IQSEC1: variants seen among roughly 807,000 people sequenced by gnomAD.
The protein encoded by IQSEC1 is IQ motif and SEC7 domain-containing protein 1.
A neutral mutation model predicts 91.0 loss-of-function variants in IQSEC1; 31 were observed. That is an observed-to-expected ratio of 0.34 (90% CI 0.26 to 0.46). The LOEUF (loss-of-function observed/expected upper bound fraction) is 0.46, where lower values mean the gene tolerates loss of function less well. IQSEC1 is among the 20% of genes least tolerant of loss of function. The probability of loss-of-function intolerance (pLI) is 1.00; values close to 1 mark genes in which losing one functional copy is unlikely to be tolerated. For synonymous variants in IQSEC1, 699 were observed against 662.6 expected (o/e 1.05, Z -0.84); for missense variants, 1,388 against 1,575.6 (o/e 0.88, Z 2.02).
chr3:12,996,320 G>A (rs1702226822), intron 1 of IQSEC1, among the ~76,000 whole-genome samples: 1 of 152,216 alleles, frequency 6.6e-6, no homozygotes, highest in Non-Finnish European at 1.5e-5. Flanking sequence ...AAGTGAGAAT[G>A]ACAAAGGTTT....
chr3:13,120,425 G>A (rs1400534104), intron 2 of IQSEC1, among the ~76,000 whole-genome samples: 4 of 152,166 alleles, frequency 2.6e-5, no homozygotes, highest in Non-Finnish European at 5.9e-5. Context: ...TGGAGGAAAG[G>A]TCCCATTCCT....
chr3:13,170,461 C>T (rs567080798), intron 1 of IQSEC1, among the ~76,000 whole-genome samples: 110 of 152,320 alleles, frequency 7.2e-4, no homozygotes, highest in Non-Finnish European at 1.2e-3. Context: ...AGAAGGCCAC[C>T]GTCCTCCAGA....
intron 1 of IQSEC1, among the ~76,000 whole-genome samples, chr3:13,174,754 C>G (rs60033245): frequency 0.15 from 23,031 of 152,068 alleles, 2,141 homozygotes; most frequent in Middle Eastern, 0.27. Flanking sequence ...TGGACAAGCT[C>G]ACAGCCCCCT....
chr3:13,162,233 G>A (rs1378164210), intron 2 of IQSEC1, among the ~76,000 whole-genome samples: 1 of 152,242 alleles, frequency 6.6e-6, no homozygotes, highest in Non-Finnish European at 1.5e-5. Flanking sequence ...TTTCAGGTAA[G>A]CAGCTGCCTT....
intron 1 of IQSEC1, among the ~76,000 whole-genome samples, chr3:13,039,523 T>C (rs1704172720): frequency 6.6e-6 from 1 of 152,234 alleles, no homozygotes; most frequent in Non-Finnish European, 1.5e-5. Flanking sequence ...TTGCAGAGCT[T>C]TCCTGGGGAA....
chr3:13,192,935 G>A (rs1376195021), intron 1 of IQSEC1, among the ~76,000 whole-genome samples: 1 of 152,350 alleles, frequency 6.6e-6, no homozygotes, highest in East Asian at 1.9e-4. Context: ...AGGCCTGAGT[G>A]CAGAACCAGA....
chr3:13,157,429 G>C (rs1397421044), intron 2 of IQSEC1, among the ~76,000 whole-genome samples: 1 of 152,142 alleles, frequency 6.6e-6, no homozygotes, highest in Non-Finnish European at 1.5e-5. Context: ...TAGTGCCTCT[G>C]AAAGCAGGCT....
intron 1 of IQSEC1, among the ~76,000 whole-genome samples, chr3:12,950,328 G>C (rs1344555638): frequency 6.6e-6 from 1 of 152,184 alleles, no homozygotes; most frequent in East Asian, 1.9e-4. Context: ...AGAATGCAAG[G>C]ATACAAAGAA....
At chr3:13,003,204 G>C (rs1429769254) in intron 1 of IQSEC1, among the ~76,000 whole-genome samples, 1 of 150,192 alleles carries the variant, frequency 6.7e-6, no homozygotes, top group African/African-American at 2.5e-5. Context: ...TTGGGAGGCT[G>C]AGGCGGGAGT....
intron 1 of IQSEC1, among the ~76,000 whole-genome samples, chr3:12,954,907 A>G (rs1250085036): frequency 6.6e-6 from 1 of 152,218 alleles, no homozygotes; most frequent in Non-Finnish European, 1.5e-5. Flanking sequence ...ACGGGTCCTC[A>G]GTGCCAAGGC....
chr3:13,171,049 G>A (rs756659806), intron 1 of IQSEC1, among the ~76,000 whole-genome samples: 3 of 151,886 alleles, frequency 2.0e-5, no homozygotes, highest in Non-Finnish European at 4.4e-5. Context: ...GCAGAGACTG[G>A]AGACTGCGCC....
intron 1 of IQSEC1, among the ~76,000 whole-genome samples, chr3:13,068,788 G>A (rs1457685846): frequency 6.6e-6 from 1 of 152,172 alleles, no homozygotes; most frequent in East Asian, 1.9e-4. Context: ...TTAGATTTCT[G>A]TTCAAAGGTC....
intron 1 of IQSEC1, among the ~76,000 whole-genome samples, chr3:13,040,968 A>G (rs571513618): frequency 5.9e-5 from 9 of 151,818 alleles, no homozygotes; most frequent in Admixed American, 2.0e-4. Context: ...GTCTGCATGG[A>G]CTGAGACTGT....
chr3:13,022,268 G>T (rs1159245506), intron 1 of IQSEC1: 5 of 1,221,116 alleles, frequency 4.1e-6, no homozygotes, highest in Non-Finnish European at 5.1e-6. Flanking sequence ...AAAAGAGGAG[G>T]CACTGGCTGC....
At chr3:13,228,633 T>C (rs1156721123) in intron 1 of IQSEC1, among the ~76,000 whole-genome samples, 1 of 152,218 alleles carries the variant, frequency 6.6e-6, no homozygotes, top group Non-Finnish European at 1.5e-5. Context: ...CCAAAACCTT[T>C]GCAGGGCCTG....
At chr3:12,918,634 T>C (rs1428791252) in intron 6 of IQSEC1, among the ~76,000 whole-genome samples, 3 of 151,976 alleles carry the variant, frequency 2.0e-5, no homozygotes, top group Non-Finnish European at 2.9e-5. Context: ...CTGGGCAACA[T>C]AGTGAGACCC....
chr3:13,257,003 C>T lies in IQSEC1; in HGVS notation c.272+25708G>A, dbSNP rs139885773. On this transcript the variant is annotated intron_variant, in intron 1 of 15. Coordinates refer to the IQSEC1 transcript ENST00000648114. ...TGTGTTCACAGACAAGCTCCTTAAC[C>T]TCTCTGTGCCCAGTTTTCCCTTTTG... is the stretch of plus-strand genomic sequence containing the variant. Among the ~76,000 whole-genome samples the T allele has an allele frequency of 3.5e-4, 53 of 152,338 alleles. No individual in the cohort carries two copies. The East Asian group carries it at 0.01, about 29-fold the overall frequency.
chr3:13,229,803 G>A (rs1434225775), intron 1 of IQSEC1, among the ~76,000 whole-genome samples: 1 of 152,198 alleles, frequency 6.6e-6, no homozygotes, highest in Non-Finnish European at 1.5e-5. Flanking sequence ...CACCTCTAGA[G>A]GGCTCTGCCT....
In IQSEC1 at chr3:13,035,177, C is replaced by T. The variant is rs374181005; in HGVS notation, c.23+37815G>A. 1.4e-4 allele frequency among the ~76,000 whole-genome samples: 22 copies of T among 152,310 alleles called. 2 individuals carry two copies. The highest frequency in any genetic ancestry group is 8.5e-4 in the Admixed American group (13 of 15,306). ...AGCTGTGAGCCTGCCCTTGGGGGTA[C>T]AGAGTAGGCGCCCCGGCTCCTAATC... On this transcript the variant is annotated intron_variant, in intron 1 of 13. Coordinates refer to ENST00000613206, the MANE Select transcript of IQSEC1 (RefSeq NM_001134382.3).
Sources: allele counts gnomAD v4.1 joint callset (sites outside exome capture counted in the v4.1 genomes callset), GRCh38; gene constraint gnomAD v4.1.1; transcripts MANE v1.5; gene names NCBI Gene and HGNC (gene_info 2026-07-23, HGNC 2026-07-21).